The following ZFAT variants were observed in gnomAD, a reference collection of about 807,000 sequenced individuals.
The protein encoded by ZFAT is zinc finger and AT-hook domain containing.
In ZFAT, 64 loss-of-function variants were observed where a neutral mutation model predicts 117.7. The ratio of observed to expected loss-of-function variants is 0.54; its 90% CI spans 0.44 to 0.67. The LOEUF is 0.67. Among genes scored for constraint, ZFAT ranks in the 30% least tolerant of loss-of-function variants. The pLI, the probability that ZFAT is intolerant of heterozygous loss-of-function variation, is 0.00. For synonymous variants in ZFAT, 679 were observed against 615.0 expected, an observed-to-expected ratio of 1.10 and a Z score of -1.54; for missense variants, 1,433 against 1,584.5, an observed-to-expected ratio of 0.90 and a Z score of 1.62.
intron 10 of ZFAT, among the ~76,000 whole-genome samples, chr8:134,572,945 A>T (rs1036088317): frequency 2.0e-5 from 3 of 152,270 alleles, no homozygotes; most frequent in African/African-American, 7.2e-5. Context: ...ATAACAACCT[A>T]GATGAATCTC....
At chr8:134,572,785 G>A (rs891928290) in intron 10 of ZFAT, among the ~76,000 whole-genome samples, 19 of 148,304 alleles carry the variant, frequency 1.3e-4, no homozygotes, top group Admixed American at 1.1e-3. Flanking sequence ...CTGACTGCAA[G>A]AATATTGCCA....
intron 11 of ZFAT, among the ~76,000 whole-genome samples, chr8:134,548,927 C>T (rs1215612581): frequency 5.3e-5 from 8 of 152,328 alleles, no homozygotes; most frequent in Non-Finnish European, 1.0e-4. Flanking sequence ...GAACGGAACA[C>T]GCGAAAACAA....
At chr8:134,595,016 G>A (rs1159358567) in intron 7 of ZFAT, 1 of 152,184 alleles carries the variant, frequency 6.6e-6, no homozygotes, top group Non-Finnish European at 1.5e-5. Flanking sequence ...AAATTATGGT[G>A]GAGGCAGGAG....
intron 3 of ZFAT, among the ~76,000 whole-genome samples, chr8:134,628,025 G>C (rs1429271244): frequency 2.6e-5 from 4 of 152,178 alleles, no homozygotes; most frequent in African/African-American, 7.2e-5. Flanking sequence ...GAGAAGCCCA[G>C]ATCTGCTGGG....
the ZFAT span, among the ~76,000 whole-genome samples, chr8:134,799,963 C>G: frequency 6.6e-6 from 1 of 152,152 alleles, no homozygotes; most frequent in Non-Finnish European, 1.5e-5. Flanking sequence ...TCAATCCATG[C>G]AATCACATAC....
rs186554716 is a variant in ZFAT, at chr8:134,515,439, A to G, written c.3235-2838T>C. On this transcript the variant is annotated intron_variant, in intron 13 of 15. Coordinates refer to ENST00000377838, the MANE Select transcript of ZFAT (RefSeq NM_020863.4). ...ACATTCCCACCAACAGTGTAAAAGC[A>G]TTCCTATTTCTCCACATCCTCTCCA... 6.9e-3 allele frequency among the ~76,000 whole-genome samples: 1,058 copies of G among 152,316 alleles called. 13 individuals are homozygous for G. The highest frequency in any genetic ancestry group is 0.024 in the African/African-American group (1,015 of 41,556).
the ZFAT span, among the ~76,000 whole-genome samples, chr8:134,722,150 G>T: frequency 2.2e-4 from 34 of 152,108 alleles, no homozygotes; most frequent in Admixed American, 6.5e-5. Context: ...ACCACTCACG[G>T]GAGAAAAAAA....
chr8:134,773,984 A>ATTTGGTTTTTTTTTT, the ZFAT span, among the ~76,000 whole-genome samples: 1 of 103,300 alleles, frequency 9.7e-6, no homozygotes, highest in African/African-American at 3.9e-5. Context: ...TTGAGGATTA[A>ATTTGGTTTTTTTTTT]TTTTTTTTTT....
the ZFAT span, among the ~76,000 whole-genome samples, chr8:134,820,969 A>C: frequency 6.6e-6 from 1 of 152,194 alleles, no homozygotes; most frequent in Non-Finnish European, 1.5e-5. Context: ...ATATTAAGTG[A>C]ATGAATAATG....
chr8:134,827,296 C>T, the ZFAT span, among the ~76,000 whole-genome samples: 2 of 151,912 alleles, frequency 1.3e-5, no homozygotes, highest in Admixed American at 6.6e-5. Flanking sequence ...CTGCCCATCT[C>T]GGCCTCCCAA....
chr8:134,706,110 T>C (rs1245489987), intron 1 of ZFAT, among the ~76,000 whole-genome samples: 1 of 152,182 alleles, frequency 6.6e-6, no homozygotes, highest in African/African-American at 2.4e-5. Context: ...TGGAAGTTTC[T>C]TAAAAAGATA....
At chr8:134,798,414 A>C in the ZFAT span, 68 of 152,228 alleles carry the variant, frequency 4.5e-4, no homozygotes, top group African/African-American at 1.6e-3. Flanking sequence ...AGCACACATT[A>C]ATCAGAAAAT....
intron 14 of ZFAT, chr8:134,510,983 T>C (rs911536425): frequency 6.6e-6 from 1 of 152,220 alleles, no homozygotes; most frequent in African/African-American, 2.4e-5. Flanking sequence ...AAGATGAGGA[T>C]GAGTTTGGCA....
At chr8:134,782,649 G>A in the ZFAT span, among the ~76,000 whole-genome samples, 5 of 152,090 alleles carry the variant, frequency 3.3e-5, no homozygotes, top group African/African-American at 1.2e-4. Context: ...CACAAGATCT[G>A]ATAGTTTTAT....
chr8:134,615,598 C>T (rs1245040613), intron 3 of ZFAT, among the ~76,000 whole-genome samples: 1 of 152,196 alleles, frequency 6.6e-6, no homozygotes, highest in Non-Finnish European at 1.5e-5. Context: ...CCCACTCCTG[C>T]TTCCTGGGAA....
rs537199583 is a variant in ZFAT, at chr8:134,657,828, T to A, written c.20-91A>T. ...CCAAAGACAATACCGAAAGCTGCCCTTCTGAGCCATCACCAGCCTCTACCA... is the reference window on the plus strand; with the variant it reads ...CCAAAGACAATACCGAAAGCTGCCCATCTGAGCCATCACCAGCCTCTACCA... On this transcript the variant is annotated intron_variant, in intron 1 of 15. Coordinates refer to ENST00000377838, the MANE Select transcript of ZFAT (RefSeq NM_020863.4). 10 of 1,382,816 alleles carry A rather than the reference T, an allele frequency of 7.2e-6. No homozygotes were observed. The African/African-American group carries it at 1.4e-4, about 20-fold the overall frequency. 85.7% of individuals were successfully genotyped at this position (1,382,816 alleles called of 1,614,324 possible).
intron 9 of ZFAT, among the ~76,000 whole-genome samples, chr8:134,585,795 G>A (rs1447975425): frequency 2.0e-5 from 3 of 152,150 alleles, no homozygotes; most frequent in Non-Finnish European, 4.4e-5. Flanking sequence ...TCTCCCCTAA[G>A]AGCCAGTGTT....
chr8:134,700,991 C>G (rs1038530963), intron 1 of ZFAT, among the ~76,000 whole-genome samples: 1 of 152,182 alleles, frequency 6.6e-6, no homozygotes, highest in Admixed American at 6.5e-5. Context: ...CCTCACCCCC[C>G]ACCCCCATGT....
intron 4 of ZFAT, 22 bp from the exon 5 acceptor site, chr8:134,608,901 T>A (rs771679443): frequency 3.5e-5 from 55 of 1,593,560 alleles, no homozygotes; most frequent in African/African-American, 4.1e-5. Flanking sequence ...GCAAAAGGCA[T>A]TGCTTATTGA....
Sources: gnomAD v4.1 joint callset for allele counts (sites outside exome capture counted in the v4.1 genomes callset) on GRCh38, gnomAD v4.1.1 for gene constraint, MANE v1.5 for transcripts, NCBI Gene and HGNC (gene_info 2026-07-23, HGNC 2026-07-21) for gene names.